GADL1: variants seen among roughly 807,000 people sequenced by gnomAD.
GADL1 encodes acidic amino acid decarboxylase GADL1.
A neutral mutation model predicts 69.5 loss-of-function variants in GADL1; 71 were observed. The ratio of observed to expected loss-of-function variants is 1.02; its 90% confidence interval spans 0.84 to 1.25. The LOEUF (loss-of-function observed/expected upper bound fraction) is 1.25, where lower values mean the gene tolerates loss of function less well. GADL1 is among the 50% of genes most tolerant of loss of function. GADL1 has a pLI of 0.00. For synonymous variants in GADL1, 254 were observed against 214.4 expected (o/e 1.18, Z -1.62); for missense variants, 737 against 631.8 (o/e 1.17, Z -1.79).
chr3:30,853,885 A>G (rs1342952657), intron 4 of GADL1, among the ~76,000 whole-genome samples: 2 of 151,898 alleles, frequency 1.3e-5, no homozygotes, highest in African/African-American at 4.8e-5. Context: ...ATTTTTAGAG[A>G]TTTTTTCAGT....
intron 14 of GADL1, among the ~76,000 whole-genome samples, chr3:30,760,575 T>C (rs1696103565): frequency 6.6e-6 from 1 of 152,172 alleles, no homozygotes. Context: ...AGGCCATCTA[T>C]ACACAAAATC....
intron 14 of GADL1, among the ~76,000 whole-genome samples, chr3:30,762,262 A>AGT (rs1002244736): frequency 2.0e-5 from 3 of 152,206 alleles, no homozygotes; most frequent in Non-Finnish European, 4.4e-5. Flanking sequence ...GGTTCATGGC[A>AGT]GTAATCTAGG....
intron 14 of GADL1, among the ~76,000 whole-genome samples, chr3:30,745,983 C>CCTTCTT (rs1204052134): frequency 1.4e-5 from 2 of 144,390 alleles, no homozygotes; most frequent in Non-Finnish European, 3.0e-5. Flanking sequence ...TCCTCCTCCT[C>CCTTCTT]CTTCTTCTTC....
intron 14 of GADL1, among the ~76,000 whole-genome samples, chr3:30,757,261 C>T (rs1276378324): frequency 6.8e-6 from 1 of 148,036 alleles, no homozygotes; most frequent in Non-Finnish European, 1.5e-5. Flanking sequence ...ATACTCAGAT[C>T]TCCTTTTAAA....
intron 11 of GADL1, among the ~76,000 whole-genome samples, chr3:30,826,022 A>G (rs1037294681): frequency 3.3e-5 from 5 of 151,898 alleles, no homozygotes; most frequent in Non-Finnish European, 7.4e-5. Context: ...GTAAAACCAA[A>G]TTCTAGCCTA....
intron 14 of GADL1, among the ~76,000 whole-genome samples, chr3:30,755,585 TTGTGTGTG>T (rs3042991): frequency 4.6e-5 from 7 of 151,580 alleles, no homozygotes; most frequent in African/African-American, 1.7e-4. Context: ...CCATTTTTGC[TTGTGTGTG>T]TGTGTGACAG....
intron 14 of GADL1, among the ~76,000 whole-genome samples, chr3:30,750,436 G>A (rs145533288): frequency 7.9e-5 from 12 of 152,294 alleles, no homozygotes; most frequent in Middle Eastern, 3.4e-3. Flanking sequence ...CACATCCACT[G>A]ACATCACCGA....
At chr3:30,791,955 T>G (rs1696930251) in intron 12 of GADL1, among the ~76,000 whole-genome samples, 1 of 152,204 alleles carries the variant, frequency 6.6e-6, no homozygotes, top group Admixed American at 6.5e-5. Flanking sequence ...CTGCCATGAT[T>G]GTGAGGCCTC....
chr3:30,838,188 AT>A (rs1451829874), intron 9 of GADL1, among the ~76,000 whole-genome samples: 1 of 152,092 alleles, frequency 6.6e-6, no homozygotes, highest in Non-Finnish European at 1.5e-5. Flanking sequence ...CCAAAACACC[AT>A]GTGCAATTGT....
chr3:30,845,775 C>CA (rs1308268862), intron 6 of GADL1, among the ~76,000 whole-genome samples: 1 of 152,096 alleles, frequency 6.6e-6, no homozygotes, highest in Non-Finnish European at 1.5e-5. Flanking sequence ...ACCTGCCTGC[C>CA]ATAGCTAAGG....
intron 1 of GADL1, among the ~76,000 whole-genome samples, chr3:30,874,534 A>G (rs956056696): frequency 6.6e-6 from 1 of 151,942 alleles, no homozygotes; most frequent in Non-Finnish European, 1.5e-5. Flanking sequence ...CAGATCAGTT[A>G]GCAAATGTCC....
chr3:30,785,529 G>A (rs544321280), intron 13 of GADL1, among the ~76,000 whole-genome samples: 71 of 151,994 alleles, frequency 4.7e-4, no homozygotes, highest in African/African-American at 1.6e-3. Flanking sequence ...TTACAAGCAT[G>A]AGCCACCACG....
intron 14 of GADL1, among the ~76,000 whole-genome samples, chr3:30,773,395 C>T (rs1409388155): frequency 6.6e-6 from 1 of 150,892 alleles, no homozygotes; most frequent in Non-Finnish European, 1.5e-5. Context: ...ACTAAGGTAT[C>T]TTTTTAATGT....
intron 1 of GADL1, among the ~76,000 whole-genome samples, chr3:30,866,912 CTG>C (rs1156708412): frequency 6.6e-6 from 1 of 152,040 alleles, no homozygotes; most frequent in Non-Finnish European, 1.5e-5. Context: ...GACTGGCTGA[CTG>C]TATATTTACT....
At chr3:30,796,108 A>G (rs961637451) in intron 12 of GADL1, among the ~76,000 whole-genome samples, 16 of 152,204 alleles carry the variant, frequency 1.1e-4, no homozygotes, top group Non-Finnish European at 1.3e-4. Context: ...ATGAATGTTA[A>G]CTTTATAATA....
chr3:30,824,668 AC>A (rs1697653079), intron 11 of GADL1, among the ~76,000 whole-genome samples: 1 of 151,880 alleles, frequency 6.6e-6, no homozygotes, highest in Non-Finnish European at 1.5e-5. Flanking sequence ...TTGAGCAACA[AC>A]AAAAATCCAA....
intron 8 of GADL1, among the ~76,000 whole-genome samples, chr3:30,841,550 G>A (rs1212913695): frequency 1.3e-5 from 2 of 152,136 alleles, no homozygotes; most frequent in Non-Finnish European, 1.5e-5. Flanking sequence ...TAAATAAGGG[G>A]AAAGAATAAG....
chr3:30,893,789 C>G (rs914334280), intron 1 of GADL1, among the ~76,000 whole-genome samples: 1 of 152,148 alleles, frequency 6.6e-6, no homozygotes, highest in African/African-American at 2.4e-5. Flanking sequence ...GGGACCCCAG[C>G]TGAGTTACCT....
At chr3:30,824,657 C>T (rs1293634064) in intron 11 of GADL1, among the ~76,000 whole-genome samples, 1 of 151,516 alleles carries the variant, frequency 6.6e-6, no homozygotes, top group Non-Finnish European at 1.5e-5. Context: ...AAGACATAAG[C>T]TTGAGCAACA....
Sources: allele counts gnomAD v4.1 joint callset (sites outside exome capture counted in the v4.1 genomes callset), GRCh38; gene constraint gnomAD v4.1.1; transcripts MANE v1.5; gene names NCBI Gene and HGNC (gene_info 2026-07-23, HGNC 2026-07-21).